Variants in ANO1 observed in about 807,000 individuals in gnomAD.
ANO1 encodes anoctamin 1, also known as anoctamin-1.
ANO1 carries 59 observed loss-of-function variants against 124.0 expected under a neutral mutation model. The ratio of observed to expected loss-of-function variants is 0.48; its 90% CI spans 0.39 to 0.59. The LOEUF is 0.59. Among genes scored for constraint, ANO1 ranks in the 20% least tolerant of loss-of-function variants. The pLI is 0.00. For synonymous variants in ANO1, 529 were observed against 532.0 expected, an observed-to-expected ratio of 0.99 and a Z score of 0.08; for missense variants, 1,059 against 1,328.0, an observed-to-expected ratio of 0.80 and a Z score of 3.15.
intron 21 of ANO1, 124 bp from the exon 22 acceptor site, chr11:70,170,763 C>A: frequency 1.6e-6 from 2 of 1,221,346 alleles, no homozygotes; most frequent in Non-Finnish European, 2.3e-6. Context: ...GGGGTCCATG[C>A]AGGTGGGCTC....
chr11:70,019,086 T>A (rs1856750925), intron 1 of ANO1, among the ~76,000 whole-genome samples: 1 of 152,072 alleles, frequency 6.6e-6, no homozygotes, highest in African/African-American at 2.4e-5. Context: ...TTGGAGGAGG[T>A]GCCCCATTCA....
chr11:70,019,332 G>T (rs74882099), intron 1 of ANO1, among the ~76,000 whole-genome samples: 2 of 146,848 alleles, frequency 1.4e-5, no homozygotes, highest in Non-Finnish European at 3.0e-5. Context: ...ACACACGCAC[G>T]CACACACACA....
chr11:69,974,199 A>T, the ANO1 span, among the ~76,000 whole-genome samples: 1 of 151,930 alleles, frequency 6.6e-6, no homozygotes. Context: ...GGCACCTGTA[A>T]TCCCAGCTAC....
intron 6 of ANO1, chr11:70,111,190 T>C (rs1368484405): frequency 4.4e-6 from 2 of 457,910 alleles, no homozygotes; most frequent in Non-Finnish European, 8.8e-6. Flanking sequence ...GTGGGAAGTA[T>C]GGTAAGTGTG....
the ANO1 span, among the ~76,000 whole-genome samples, chr11:69,973,743 G>A: frequency 7.2e-5 from 11 of 151,808 alleles, no homozygotes; most frequent in Admixed American, 2.0e-4. Flanking sequence ...GTGGTGGTGC[G>A]TGCCTGTAAT....
At chr11:70,050,607 G>A (rs76112320) in intron 1 of ANO1, among the ~76,000 whole-genome samples, 1,610 of 152,122 alleles carry the variant, frequency 0.011, 27 homozygotes, top group African/African-American at 0.037. Context: ...TCTCTCCTGC[G>A]CTGCCCTCAA....
At chr11:70,022,059 C>T (rs1366016346) in intron 1 of ANO1, among the ~76,000 whole-genome samples, 1 of 152,196 alleles carries the variant, frequency 6.6e-6, no homozygotes, top group African/African-American at 2.4e-5. Flanking sequence ...CTCCTTGCTC[C>T]ACTTCCTGCC....
chr11:70,034,034 C>T (rs1857052638), intron 1 of ANO1, among the ~76,000 whole-genome samples: 1 of 152,130 alleles, frequency 6.6e-6, no homozygotes, highest in African/African-American at 2.4e-5. Context: ...ATCCCCCATC[C>T]ATGCGCTCTT....
exon 1 of ANO1, chr11:69,985,983 C>T (rs1359666445): frequency 3.3e-5 from 5 of 152,210 alleles, no homozygotes; most frequent in Non-Finnish European, 5.9e-5. Context: ...AGGGGACAGT[C>T]CCCTCCCGAG....
chr11:70,163,605 T>C (rs2048139457), intron 19 of ANO1: 1 of 600,948 alleles, frequency 1.7e-6, no homozygotes. Flanking sequence ...TTTTCTTTTC[T>C]TTTTTTGTGA....
chr11:70,158,414 A>C (rs139090611), intron 16 of ANO1, among the ~76,000 whole-genome samples: 1 of 152,372 alleles, frequency 6.6e-6, no homozygotes, highest in Non-Finnish European at 1.5e-5. Context: ...GCAGCTGTGC[A>C]CTGAGGGCCT....
intron 11 of ANO1, among the ~76,000 whole-genome samples, chr11:70,133,280 A>G (rs2046831963): frequency 6.6e-6 from 1 of 152,160 alleles, no homozygotes; most frequent in African/African-American, 2.4e-5. Context: ...TGAAGATCAG[A>G]CCTAGGATTC....
intron 1 of ANO1, 118 bp from the exon 2 acceptor site, chr11:70,087,634 A>T: frequency 9.8e-7 from 1 of 1,020,300 alleles, no homozygotes; most frequent in Non-Finnish European, 1.4e-6. Flanking sequence ...GAGGGCGCTC[A>T]GGGAGTGTTT....
chr11:70,154,591 C>T (rs551343868), intron 14 of ANO1, among the ~76,000 whole-genome samples: 4 of 151,004 alleles, frequency 2.6e-5, no homozygotes, highest in East Asian at 3.9e-4. Flanking sequence ...CTCAGCCTTC[C>T]GAGTAGCTGG....
intron 19 of ANO1, among the ~76,000 whole-genome samples, chr11:70,164,655 A>C (rs1050250493): frequency 6.6e-6 from 1 of 152,138 alleles, no homozygotes; most frequent in African/African-American, 2.4e-5. Flanking sequence ...TGGACAAGTT[A>C]AACTTCCAGC....
intron 22 of ANO1, 117 bp from the exon 23 acceptor site, chr11:70,179,887 G>C: frequency 1.1e-6 from 1 of 926,390 alleles, no homozygotes; most frequent in African/African-American, 1.6e-5. Flanking sequence ...ATAAGCCTCT[G>C]ACTGCTGTGA....
chr11:69,988,032 G>A (rs1372436053), intron 1 of ANO1, among the ~76,000 whole-genome samples: 2 of 152,178 alleles, frequency 1.3e-5, no homozygotes, highest in Middle Eastern at 6.3e-3. Context: ...CCCAGGACGG[G>A]TGTCCCAGCC....
intron 8 of ANO1, among the ~76,000 whole-genome samples, chr11:70,123,057 C>A (rs2046359239): frequency 6.6e-6 from 1 of 152,224 alleles, no homozygotes; most frequent in Non-Finnish European, 1.5e-5. Flanking sequence ...ATGAGCCCAT[C>A]TGCCTTCTCT....
intron 11 of ANO1, among the ~76,000 whole-genome samples, chr11:70,141,065 C>G (rs1437168237): frequency 6.6e-6 from 1 of 152,186 alleles, no homozygotes; most frequent in African/African-American, 2.4e-5. Flanking sequence ...GATGCGCACC[C>G]CGGCCCATCT....
Sources: allele counts gnomAD v4.1 joint callset (sites outside exome capture counted in the v4.1 genomes callset), GRCh38; gene constraint gnomAD v4.1.1; transcripts MANE v1.5; gene names NCBI Gene and HGNC (gene_info 2026-07-23, HGNC 2026-07-21).